CNTNAP2: variants seen among roughly 807,000 people sequenced by gnomAD.
CNTNAP2 encodes the protein contactin-associated protein-like 2.
Under a neutral mutation model 155.2 loss-of-function variants are expected in CNTNAP2, and 98 were observed. The observed-to-expected ratio is 0.63, with a 90% CI of 0.54 to 0.75. CNTNAP2 has a LOEUF of 0.75. Ranked by LOEUF, CNTNAP2 falls within the 30% of genes least tolerant of loss-of-function variation. The pLI, the probability that CNTNAP2 is intolerant of heterozygous loss-of-function variation, is 0.00. For missense variants in CNTNAP2, 1,727 were observed against 1,688.1 expected (o/e 1.02, Z -0.40); for synonymous variants, 651 against 631.2 (o/e 1.03, Z -0.47).
At chr7:147,473,584 C>A (rs1438115569) in intron 10 of CNTNAP2, among the ~76,000 whole-genome samples, 1 of 151,876 alleles carries the variant, frequency 6.6e-6, no homozygotes, top group South Asian at 2.1e-4. Context: ...TTTAATAATA[C>A]GAAAGGGAAT....
intron 1 of CNTNAP2, among the ~76,000 whole-genome samples, chr7:146,221,790 C>A (rs990481198): frequency 2.6e-5 from 4 of 152,126 alleles, no homozygotes; most frequent in African/African-American, 9.7e-5. Context: ...AATGTCTATT[C>A]AGGACTGTTT....
At chr7:146,741,264 T>A (rs894113975) in intron 1 of CNTNAP2, among the ~76,000 whole-genome samples, 4 of 152,140 alleles carry the variant, frequency 2.6e-5, no homozygotes, top group Non-Finnish European at 4.4e-5. Flanking sequence ...GACGTTATTT[T>A]TGTGCATAGA....
chr7:146,719,258 A>G (rs141060982), intron 1 of CNTNAP2, among the ~76,000 whole-genome samples: 3 of 152,322 alleles, frequency 2.0e-5, no homozygotes, highest in Non-Finnish European at 4.4e-5. Flanking sequence ...CTGAGGCTAC[A>G]AAGAAATGCA....
chr7:148,094,079 T>C (rs1015497528), intron 15 of CNTNAP2, among the ~76,000 whole-genome samples: 2 of 152,126 alleles, frequency 1.3e-5, no homozygotes, highest in Admixed American at 1.3e-4. Context: ...TTAAACCATA[T>C]AAAACTAGGC....
At chr7:147,431,318 A>T (rs1454667854) in intron 10 of CNTNAP2, among the ~76,000 whole-genome samples, 1 of 152,172 alleles carries the variant, frequency 6.6e-6, no homozygotes, top group Non-Finnish European at 1.5e-5. Context: ...GACAATAGAG[A>T]TGGTGTCTCT....
chr7:147,554,996 G>A (rs1225752016), intron 11 of CNTNAP2, among the ~76,000 whole-genome samples: 2 of 152,170 alleles, frequency 1.3e-5, no homozygotes, highest in Non-Finnish European at 2.9e-5. Flanking sequence ...AGGGTCTCAA[G>A]GTCATTGCCG....
chr7:146,465,320 A>C (rs754366990), intron 1 of CNTNAP2, among the ~76,000 whole-genome samples: 1 of 152,156 alleles, frequency 6.6e-6, no homozygotes, highest in Non-Finnish European at 1.5e-5. Flanking sequence ...GGTAGCAAAA[A>C]GGACTCAGAT....
At chr7:146,218,362 A>G (rs1275729852) in intron 1 of CNTNAP2, among the ~76,000 whole-genome samples, 1 of 152,026 alleles carries the variant, frequency 6.6e-6, no homozygotes, top group Admixed American at 6.6e-5. Flanking sequence ...ACAAAAAATT[A>G]GCCGGGCGTG....
intron 1 of CNTNAP2, among the ~76,000 whole-genome samples, chr7:146,463,868 T>G (rs1395420667): frequency 1.3e-5 from 2 of 152,112 alleles, no homozygotes; most frequent in Non-Finnish European, 2.9e-5. Flanking sequence ...TATTCACTTA[T>G]CTGTTTCCCA....
At chr7:146,553,770 T>C (rs533863641) in intron 1 of CNTNAP2, among the ~76,000 whole-genome samples, 1 of 152,252 alleles carries the variant, frequency 6.6e-6, no homozygotes, top group South Asian at 2.1e-4. Flanking sequence ...GTTGAGGTTT[T>C]GTTTCTTAAA....
chr7:146,367,108 G>A (rs1046421303), intron 1 of CNTNAP2, among the ~76,000 whole-genome samples: 3 of 152,130 alleles, frequency 2.0e-5, no homozygotes, highest in African/African-American at 4.8e-5. Flanking sequence ...AGTTTTCAAG[G>A]AGAGTGCATG....
intron 13 of CNTNAP2, among the ~76,000 whole-genome samples, chr7:147,731,252 C>A (rs1040746811): frequency 6.6e-6 from 1 of 152,108 alleles, no homozygotes; most frequent in Non-Finnish European, 1.5e-5. Context: ...TCTAGGACTT[C>A]TATAGCTAGA....
intron 3 of CNTNAP2, among the ~76,000 whole-genome samples, chr7:146,855,994 G>GA (rs1585124187): frequency 6.6e-6 from 1 of 151,348 alleles, no homozygotes; most frequent in Admixed American, 6.6e-5. Flanking sequence ...GATCTAGTTA[G>GA]AAAAATTTTA....
intron 8 of CNTNAP2, among the ~76,000 whole-genome samples, chr7:147,150,684 T>C (rs1208950167): frequency 6.6e-6 from 1 of 152,182 alleles, no homozygotes; most frequent in African/African-American, 2.4e-5. Flanking sequence ...ACGTATGAAT[T>C]ATGAATGTTG....
rs539412913 is a variant in CNTNAP2 at position 146,292,326 on chromosome 7, G to A, written c.97+175353G>A. Among the ~76,000 whole-genome samples, 31 of 152,212 alleles carry A rather than the reference G, an allele frequency of 2.0e-4. No homozygotes were observed. The South Asian group carries it at 2.5e-3, about 12-fold the overall frequency. ...GTTGAGGATAATGGCTTCCAGCTCC[G>A]TCCATGTCCCTGCAAAGGACATGAT... On this transcript the variant is annotated intron_variant, in intron 1 of 23. Coordinates refer to ENST00000361727, the MANE Select transcript of CNTNAP2 (RefSeq NM_014141.6).
chr7:147,456,720 G>GA (rs904122682), intron 10 of CNTNAP2, among the ~76,000 whole-genome samples: 3 of 151,684 alleles, frequency 2.0e-5, no homozygotes, highest in South Asian at 2.1e-4. Flanking sequence ...TTAATCACAG[G>GA]AAAAAAAATA....
chr7:147,726,555 C>CA (rs1346483274), intron 13 of CNTNAP2, among the ~76,000 whole-genome samples: 1 of 151,916 alleles, frequency 6.6e-6, no homozygotes, highest in African/African-American at 2.4e-5. Flanking sequence ...AAGAGCTGAC[C>CA]AATAACTGCA....
rs911417126 is a variant in CNTNAP2 at position 146,915,446 on chromosome 7, A to C, written c.402+75542A>C. On this transcript the variant is annotated intron_variant, in intron 3 of 23. Coordinates refer to ENST00000361727, the MANE Select transcript of CNTNAP2 (RefSeq NM_014141.6). Reference sequence around the variant, plus strand: ...ATATTGATTCTACCCATGCATGAGCATGAAATGTGTTTCCATTTGTTTGTG... The same window carrying C: ...ATATTGATTCTACCCATGCATGAGCCTGAAATGTGTTTCCATTTGTTTGTG... Among the ~76,000 whole-genome samples the C allele has an allele frequency of 3.3e-5, 5 of 152,320 alleles. No individual in the cohort carries two copies. In the South Asian group the frequency reaches 8.3e-4, roughly 25 times the overall value.
rs1305764908 is a variant in CNTNAP2 at position 147,121,413 on chromosome 7, C to A, written c.939+250C>A. 3 of 407,340 alleles carry A rather than the reference C, an allele frequency of 7.4e-6. No homozygotes were observed. In the Admixed American group the frequency reaches 1.3e-4, roughly 17 times the overall value. 25.2% of individuals were successfully genotyped at this position (407,340 alleles called of 1,614,324 possible). A position where few individuals can be genotyped will look rare whatever the true frequency, so the allele number is the denominator to read the frequency against. On this transcript the variant is annotated intron_variant, in intron 6 of 23. Coordinates refer to ENST00000361727, the MANE Select transcript of CNTNAP2 (RefSeq NM_014141.6). Reference sequence around the variant, plus strand: ...AATTTGAAGAGAGGAACCATGCTATCCAGGCCATTTAATAAATTCAGAATA... The same window carrying A: ...AATTTGAAGAGAGGAACCATGCTATACAGGCCATTTAATAAATTCAGAATA...
Sources: gnomAD v4.1 joint callset for allele counts (sites outside exome capture counted in the v4.1 genomes callset) on GRCh38, gnomAD v4.1.1 for gene constraint, MANE v1.5 for transcripts, NCBI Gene and HGNC (gene_info 2026-07-23, HGNC 2026-07-21) for gene names.